XPO6: variants seen among roughly 807,000 people sequenced by gnomAD.
XPO6 encodes the protein exportin-6.
A neutral mutation model predicts 130.0 loss-of-function variants in XPO6; 3 were observed. That is an observed-to-expected ratio of 0.02 (90% CI 0.01 to 0.06). The LOEUF (loss-of-function observed/expected upper bound fraction) is 0.06. XPO6 is among the 10% of genes least tolerant of loss of function. The pLI, the probability that XPO6 is intolerant of heterozygous loss-of-function variation, is 1.00. For missense variants in XPO6, 970 were observed against 1,393.0 expected (o/e 0.70, Z 4.83); for synonymous variants, 524 against 548.9 (o/e 0.95, Z 0.63).
At chr16:28,164,143 C>T (rs1049704590) in intron 6 of XPO6, among the ~76,000 whole-genome samples, 1 of 152,176 alleles carries the variant, frequency 6.6e-6, no homozygotes, top group Non-Finnish European at 1.5e-5. Flanking sequence ...AAAAACCCCA[C>T]AAGCCTCAGG....
intron 23 of XPO6, among the ~76,000 whole-genome samples, chr16:28,099,542 C>T (rs2086610082): frequency 6.6e-6 from 1 of 152,246 alleles, no homozygotes; most frequent in Admixed American, 6.5e-5. Flanking sequence ...CCAGAACACC[C>T]AGGTCTGCCT....
rs986104531 is a variant in XPO6, at chr16:28,140,003, A to G, written c.1335-4679T>C. ...TCCCAGCACTTTGGGAGGCCAAGGC[A>G]GGCGGATCACCTGAGGTCAGGAGTT... On this transcript the variant is annotated intron_variant, in intron 9 of 23. Coordinates refer to ENST00000304658, the MANE Select transcript of XPO6 (RefSeq NM_015171.4). Among the ~76,000 whole-genome samples, 75 of 151,218 alleles carry G rather than the reference A, an allele frequency of 5.0e-4. 1 individual carries two copies. Among genetic ancestry groups the G allele is most frequent in the Admixed American group, 4.7e-3 (71 of 15,232 alleles).
intron 13 of XPO6, among the ~76,000 whole-genome samples, chr16:28,123,023 G>C (rs941098682): frequency 6.6e-6 from 1 of 152,154 alleles, no homozygotes; most frequent in South Asian, 2.1e-4. Flanking sequence ...GGATACTAAC[G>C]AGCATTAAAC....
chr16:28,137,597 A>C (rs1163516759), intron 9 of XPO6, among the ~76,000 whole-genome samples: 1 of 152,096 alleles, frequency 6.6e-6, no homozygotes, highest in African/African-American at 2.4e-5. Flanking sequence ...ACCACTTACA[A>C]ATCCTCCTGG....
chr16:28,104,847 G>T, intron 20 of XPO6, 140 bp from the exon 21 acceptor site: 1 of 940,558 alleles, frequency 1.1e-6, no homozygotes, highest in Non-Finnish European at 1.6e-6. Context: ...GTCACTACCT[G>T]CGCAAAAGAC....
At chr16:28,184,390 T>C (rs8049655) in intron 1 of XPO6, among the ~76,000 whole-genome samples, 3,329 of 152,272 alleles carry the variant, frequency 0.022, 107 homozygotes, top group African/African-American at 0.076. Context: ...GGATTGTAGA[T>C]ACAGAGTATC....
At chr16:28,144,886 C>A (rs1470293787) in intron 9 of XPO6, among the ~76,000 whole-genome samples, 1 of 152,220 alleles carries the variant, frequency 6.6e-6, no homozygotes, top group Non-Finnish European at 1.5e-5. Flanking sequence ...GTAGGAACTA[C>A]AAAACCAGGA....
intron 1 of XPO6, among the ~76,000 whole-genome samples, chr16:28,198,816 A>G (rs2043909155): frequency 6.6e-6 from 1 of 152,034 alleles, no homozygotes; most frequent in African/African-American, 2.4e-5. Flanking sequence ...ACTCTTCCGT[A>G]AGTCTTACAT....
chr16:28,117,578 G>A (rs2087100654), intron 14 of XPO6, 116 bp from the exon 15 acceptor site: 1 of 1,215,600 alleles, frequency 8.2e-7, no homozygotes, highest in Non-Finnish European at 1.1e-6. Context: ...TCTAAGACAT[G>A]GGCAACAGCA....
At chr16:28,107,051 C>A (rs1415063868) in intron 18 of XPO6, among the ~76,000 whole-genome samples, 1 of 152,218 alleles carries the variant, frequency 6.6e-6, no homozygotes, top group Non-Finnish European at 1.5e-5. Context: ...TCAGCCCTAA[C>A]TGCACGCAAT....
At chr16:28,144,052 C>T (rs2042941614) in intron 9 of XPO6, among the ~76,000 whole-genome samples, 1 of 151,762 alleles carries the variant, frequency 6.6e-6, no homozygotes, top group Non-Finnish European at 1.5e-5. Context: ...GAGGCATAGT[C>T]CCAGAACCAA....
chr16:28,189,214 G>A (rs1360181530), intron 1 of XPO6, among the ~76,000 whole-genome samples: 1 of 150,678 alleles, frequency 6.6e-6, no homozygotes, highest in African/African-American at 2.5e-5. Flanking sequence ...CAAAAGTGCT[G>A]GGATTAGAGG....
At chr16:28,149,748 T>A (rs2043053219) in intron 8 of XPO6, among the ~76,000 whole-genome samples, 1 of 152,136 alleles carries the variant, frequency 6.6e-6, no homozygotes, top group Admixed American at 6.5e-5. Flanking sequence ...CCTAACACAT[T>A]CATCAGAACA....
At chr16:28,137,851 G>A (rs943682449) in intron 9 of XPO6, among the ~76,000 whole-genome samples, 2 of 151,956 alleles carry the variant, frequency 1.3e-5, no homozygotes, top group East Asian at 3.8e-4. Context: ...TAGCTTTTCA[G>A]CCCCTGCCCT....
chr16:28,183,113 C>CCA (rs1271277435), intron 1 of XPO6, among the ~76,000 whole-genome samples: 1 of 152,144 alleles, frequency 6.6e-6, no homozygotes, highest in Non-Finnish European at 1.5e-5. Flanking sequence ...AGGCAATCAA[C>CCA]CACCACCATT....
At chr16:28,199,460 T>C (rs1270451812) in intron 1 of XPO6, among the ~76,000 whole-genome samples, 2 of 151,886 alleles carry the variant, frequency 1.3e-5, no homozygotes, top group Admixed American at 6.6e-5. Context: ...TTTTTTTAAG[T>C]AGAGACAGGT....
intron 8 of XPO6, among the ~76,000 whole-genome samples, chr16:28,146,605 C>G (rs1266858896): frequency 6.6e-6 from 1 of 152,182 alleles, no homozygotes; most frequent in Non-Finnish European, 1.5e-5. Flanking sequence ...TTACCCCCAG[C>G]CAATGCTCTT....
At chr16:28,176,271 C>G (rs2043532186) in intron 3 of XPO6, among the ~76,000 whole-genome samples, 176 bp from the exon 4 acceptor site, 1 of 152,062 alleles carries the variant, frequency 6.6e-6, no homozygotes, top group South Asian at 2.1e-4. Context: ...CACAACAGTC[C>G]CATTCCTAGG....
At chr16:28,200,882 G>A (rs184265388) in intron 1 of XPO6, among the ~76,000 whole-genome samples, 31 of 152,208 alleles carry the variant, frequency 2.0e-4, no homozygotes, top group African/African-American at 7.5e-4. Flanking sequence ...TACGCGGTAT[G>A]CATGAGGGCC....
Sources: gnomAD v4.1 joint callset for allele counts (sites outside exome capture counted in the v4.1 genomes callset) on GRCh38, gnomAD v4.1.1 for gene constraint, MANE v1.5 for transcripts, NCBI Gene and HGNC (gene_info 2026-07-23, HGNC 2026-07-21) for gene names.